The following NANS variants were observed in gnomAD, a reference collection of about 807,000 sequenced individuals.
NANS encodes N-acetylneuraminate-9-phosphate synthase.
Under a neutral mutation model 33.3 loss-of-function variants are expected in NANS, and 29 were observed. The observed-to-expected ratio is 0.87, with a 90% confidence interval of 0.65 to 1.19. The LOEUF (loss-of-function observed/expected upper bound fraction) is 1.19. Among genes scored for constraint, NANS ranks in the 50% most tolerant of loss-of-function variants. The pLI, the probability that NANS is intolerant of heterozygous loss-of-function variation, is 0.00. For synonymous variants in NANS, 163 were observed against 177.2 expected (o/e 0.92, Z 0.64); for missense variants, 394 against 461.1 (o/e 0.85, Z 1.33).
intron 1 of NANS, among the ~76,000 whole-genome samples, chr9:98,057,407 C>A (rs970684157): frequency 5.3e-5 from 8 of 152,186 alleles, no homozygotes; most frequent in African/African-American, 1.9e-4. Context: ...TGGTCTCTCT[C>A]ACCCGCCATT....
intron 2 of NANS, among the ~76,000 whole-genome samples, chr9:98,067,206 C>T (rs1406492557): frequency 6.6e-6 from 1 of 152,240 alleles, no homozygotes; most frequent in South Asian, 2.1e-4. Context: ...ATGAATAATG[C>T]TGCTGTGAGC....
intron 5 of NANS, chr9:98,082,175 T>TATC (rs1269605687): frequency 2.0e-5 from 3 of 152,294 alleles, no homozygotes; most frequent in African/African-American, 4.8e-5. Context: ...CTGCCTGTAT[T>TATC]ATCTGCCCCT....
intron 5 of NANS, among the ~76,000 whole-genome samples, chr9:98,082,601 A>G (rs1829923728): frequency 6.6e-6 from 1 of 152,240 alleles, no homozygotes; most frequent in African/African-American, 2.4e-5. Context: ...GGCTCCGCCT[A>G]CATAGCCTCA....
Position 98,061,012 on chromosome 9 carries a change from G to C in NANS, c.348+15G>C. ...GCATGGATGAGGTGAGTCCTCTGCTGCTCTGTCATTTGTCACTTTAGCAGA... is the reference window on the plus strand; with the variant it reads ...GCATGGATGAGGTGAGTCCTCTGCTCCTCTGTCATTTGTCACTTTAGCAGA... On this transcript the variant is annotated intron_variant, in intron 2 of 5. Coordinates refer to ENST00000210444, the MANE Select transcript of NANS (RefSeq NM_018946.4). The C allele has an allele frequency of 6.2e-7, 1 of 1,611,746 alleles. No individual in the cohort carries two copies. The highest frequency in any genetic ancestry group is 8.5e-7 in the Non-Finnish European group (1 of 1,179,042).
chr9:98,067,384 C>T (rs1829179313), intron 2 of NANS, among the ~76,000 whole-genome samples: 1 of 152,172 alleles, frequency 6.6e-6, no homozygotes, highest in African/African-American at 2.4e-5. Flanking sequence ...TTGATGGTGC[C>T]AGTTGCTTCA....
At chr9:98,082,232 C>G (rs1221029595) in intron 5 of NANS, 1 of 152,204 alleles carries the variant, frequency 6.6e-6, no homozygotes, top group African/African-American at 2.4e-5. Context: ...GCCACATTCA[C>G]CATCTTATGA....
At chr9:98,064,730 A>T (rs906514596) in intron 2 of NANS, among the ~76,000 whole-genome samples, 4 of 152,152 alleles carry the variant, frequency 2.6e-5, no homozygotes, top group African/African-American at 9.7e-5. Flanking sequence ...AGCAGATCTG[A>T]TGCCTAGAGC....
At chr9:98,065,806 A>G (rs1829131857) in intron 2 of NANS, among the ~76,000 whole-genome samples, 2 of 152,070 alleles carry the variant, frequency 1.3e-5, no homozygotes, top group Non-Finnish European at 2.9e-5. Flanking sequence ...TTCTCATGAT[A>G]GTGAATGAGT....
At chr9:98,060,644 C>A in intron 1 of NANS, 138 bp from the exon 2 acceptor site, 1 of 834,940 alleles carries the variant, frequency 1.2e-6, no homozygotes, top group Non-Finnish European at 1.9e-6. Flanking sequence ...GCACTCCAGC[C>A]TGGGTGAAAG....
chr9:98,078,929 G>A (rs529094420), intron 4 of NANS, among the ~76,000 whole-genome samples: 4 of 151,884 alleles, frequency 2.6e-5, no homozygotes, highest in African/African-American at 4.8e-5. Context: ...GAACACTAGC[G>A]TACAGATAAA....
intron 3 of NANS, among the ~76,000 whole-genome samples, chr9:98,077,883 C>G (rs999272988): frequency 2.6e-5 from 4 of 152,212 alleles, no homozygotes; most frequent in Non-Finnish European, 4.4e-5. Context: ...ACTGTACTGC[C>G]ATGGTATACA....
intron 2 of NANS, among the ~76,000 whole-genome samples, chr9:98,068,422 A>G (rs1462891187): frequency 6.6e-6 from 1 of 151,572 alleles, no homozygotes; most frequent in Non-Finnish European, 1.5e-5. Context: ...TACAGGTGTC[A>G]GCCACCTCAC....
At chr9:98,070,468 C>T (rs759590363) in intron 2 of NANS, among the ~76,000 whole-genome samples, 5 of 151,474 alleles carry the variant, frequency 3.3e-5, no homozygotes, top group Non-Finnish European at 5.9e-5. Flanking sequence ...TTGGCCAGGC[C>T]GGAGTGCAAT....
At chr9:98,064,999 T>C (rs1322660894) in intron 2 of NANS, among the ~76,000 whole-genome samples, 2 of 152,202 alleles carry the variant, frequency 1.3e-5, no homozygotes, top group African/African-American at 4.8e-5. Context: ...ATTACTGCCC[T>C]GCAACCTGGG....
intron 2 of NANS, among the ~76,000 whole-genome samples, chr9:98,065,126 A>G (rs1388289320): frequency 6.6e-6 from 1 of 152,164 alleles, no homozygotes; most frequent in Non-Finnish European, 1.5e-5. Context: ...GTAAGTATCA[A>G]CAACAGAACC....
chr9:98,076,740 G>A, intron 2 of NANS, 178 bp from the exon 3 acceptor site: 1 of 584,812 alleles, frequency 1.7e-6, no homozygotes, highest in East Asian at 3.1e-5. Flanking sequence ...GGATGCAAAT[G>A]AATGTTTGCA....
chr9:98,069,994 T>C (rs943492035), intron 2 of NANS, among the ~76,000 whole-genome samples: 7 of 152,246 alleles, frequency 4.6e-5, no homozygotes, highest in African/African-American at 1.7e-4. Context: ...TACAAGACAT[T>C]ACCATTGGGG....
chr9:98,080,318 A>C (rs1038436190), intron 4 of NANS, among the ~76,000 whole-genome samples: 3 of 152,260 alleles, frequency 2.0e-5, no homozygotes, highest in Non-Finnish European at 2.9e-5. Flanking sequence ...CACCCATCTT[A>C]GAGTGTCTTT....
chr9:98,078,605 G>GT (rs1344046758), intron 4 of NANS, among the ~76,000 whole-genome samples: 1 of 152,050 alleles, frequency 6.6e-6, no homozygotes, highest in African/African-American at 2.4e-5. Context: ...GGAGGTCGAG[G>GT]TGGGCAGATC....
Sources: gnomAD v4.1 joint callset for allele counts (sites outside exome capture counted in the v4.1 genomes callset) on GRCh38, gnomAD v4.1.1 for gene constraint, MANE v1.5 for transcripts, NCBI Gene and HGNC (gene_info 2026-07-23, HGNC 2026-07-21) for gene names.